The following DCTN2 variants were observed in gnomAD, a reference collection of about 807,000 sequenced individuals.
The protein encoded by DCTN2 is dynactin subunit 2.
DCTN2 carries 18 observed loss-of-function variants against 55.4 expected under a neutral mutation model. The observed-to-expected ratio is 0.32, with a 90% CI of 0.22 to 0.48. The LOEUF (loss-of-function observed/expected upper bound fraction) is 0.48. Among genes scored for constraint, DCTN2 ranks in the 20% least tolerant of loss-of-function variants. The pLI, the probability that DCTN2 is intolerant of heterozygous loss-of-function variation, is 0.99. For synonymous variants in DCTN2, 168 were observed against 185.2 expected, an observed-to-expected ratio of 0.91 and a Z score of 0.76; for missense variants, 390 against 491.0, an observed-to-expected ratio of 0.79 and a Z score of 1.94.
intron 2 of DCTN2, chr12:57,538,611 C>T (rs1382209248): frequency 1.1e-5 from 8 of 704,202 alleles, no homozygotes; most frequent in Admixed American, 6.0e-5. Flanking sequence ...AAAAAAAAGA[C>T]AAAATTGTTA....
rs1198578204 is a variant in DCTN2, at chr12:57,532,597, A to C, written c.899T>G (p.Val300Gly). 7 of 1,613,868 alleles carry C rather than the reference A, an allele frequency of 4.3e-6. No homozygotes were observed. The South Asian group carries it at 6.6e-5, about 15-fold the overall frequency. Reference sequence around the variant, plus strand: ...CTTGCTTTGTGTATCTGCATCTTCTACAGAGGCTTTATGCTTGGCAATCTC... The same window carrying C: ...CTTGCTTTGTGTATCTGCATCTTCTCCAGAGGCTTTATGCTTGGCAATCTC... Reference protein sequence around the residue: ...VNEIAKHKASVEDADTQSKVH... With the variant: ...VNEIAKHKASGEDADTQSKVH... The change falls in exon 11 of 14, where the codon GTA becomes GGA. Residue 300 changes from valine (V) to glycine (G), a missense_variant. This residue lies in a region of DCTN2 where 273 missense variants were observed against 303.2 expected (regional missense o/e 0.90). Transcript: ENST00000548249.
At chr12:57,531,288 G>A (rs868722879) in intron 13 of DCTN2, among the ~76,000 whole-genome samples, 4 of 151,986 alleles carry the variant, frequency 2.6e-5, no homozygotes, top group Non-Finnish European at 1.5e-5. Flanking sequence ...TTGGGAGGCC[G>A]AGATGGGTGG....
intron 11 of DCTN2, 77 bp from the exon 12 acceptor site, chr12:57,532,392 A>C: frequency 1.4e-6 from 2 of 1,392,716 alleles, no homozygotes; most frequent in Non-Finnish European, 2.0e-6. Flanking sequence ...ATTTCACCGT[A>C]ATGGGGGAAA....
chr12:57,535,160 G>C lies in DCTN2; in HGVS notation c.265-6C>G. ...ACTCCCAGACCCTCTCCAAGCTAGA[G>C]AGCAGGCACAGAGGGTAATGTTATA... On this transcript the variant is annotated splice_polypyrimidine_tract_variant and splice_region_variant and intron_variant, in intron 4 of 13. Transcript: ENST00000548249. 6.2e-7 allele frequency: 1 copy of C among 1,610,434 alleles called. No individual in the cohort carries two copies. The highest frequency in any genetic ancestry group is 1.1e-5 in the South Asian group (1 of 90,880).
intron 1 of DCTN2, 34 bp from the exon 2 acceptor site, chr12:57,546,130 T>C (rs775908924): frequency 1.2e-6 from 2 of 1,602,360 alleles, no homozygotes; most frequent in Non-Finnish European, 1.7e-6. Flanking sequence ...CCAACCTCAC[T>C]ACCCAGCATC....
chr12:57,541,350 T>C (rs770105707), intron 2 of DCTN2: 13 of 1,598,038 alleles, frequency 8.1e-6, no homozygotes, highest in South Asian at 4.4e-5. Flanking sequence ...AGAAGAAGCA[T>C]TGAATGGTCT....
chr12:57,542,056 C>T (rs1283689129), intron 2 of DCTN2, among the ~76,000 whole-genome samples: 2 of 152,190 alleles, frequency 1.3e-5, no homozygotes, highest in African/African-American at 4.8e-5. Flanking sequence ...GAGTGGATCA[C>T]CTGAGGTCAG....
At position 57,530,595 on chromosome 12, in the gene DCTN2, T is replaced by C; in HGVS notation, c.*94A>G. 9.0e-7 allele frequency: 1 copy of C among 1,110,180 alleles called. No individual in the cohort carries two copies. Among genetic ancestry groups the C allele is most frequent in the South Asian group, 1.4e-5 (1 of 70,332 alleles). The allele number at this position is 1,110,180 out of a possible 1,614,324, so 68.8% of individuals were successfully genotyped here. A position where few individuals can be genotyped will look rare whatever the true frequency, so the allele number is the denominator to read the frequency against. Reference sequence around the variant, plus strand: ...CCCCCAGTGTCAAATGGGATGGGGATGCTAGAGTTATAGTAAAGGGGAAAC... The same window carrying C: ...CCCCCAGTGTCAAATGGGATGGGGACGCTAGAGTTATAGTAAAGGGGAAAC... On this transcript the variant is annotated 3_prime_UTR_variant, in exon 14 of 14. Transcript: ENST00000548249.
At chr12:57,546,492 T>G (rs1308415855) in intron 1 of DCTN2, among the ~76,000 whole-genome samples, 1 of 151,914 alleles carries the variant, frequency 6.6e-6, no homozygotes, top group Non-Finnish European at 1.5e-5. Flanking sequence ...GTCCCAACCC[T>G]CACCTTGAGA....
rs553837341 is a variant in DCTN2 at position 57,538,201 on chromosome 12, G to A, written c.106-2356C>T. 7 of 454,358 alleles carry A rather than the reference G, an allele frequency of 1.5e-5. No homozygotes were observed. In the Admixed American group the frequency reaches 2.1e-4, roughly 14 times the overall value. 28.1% of individuals were successfully genotyped at this position (454,358 alleles called of 1,614,324 possible). A position where few individuals can be genotyped will look rare whatever the true frequency, so the allele number is the denominator to read the frequency against. On this transcript the variant is annotated intron_variant, in intron 2 of 13. Coordinates refer to ENST00000548249, the MANE Select transcript of DCTN2 (RefSeq NM_001261413.2). ...GAGGTTCTGGACAGTCACAGGGACA[G>A]AGAGCATTTTCATTCCTGCTGTGGG... is the stretch of plus-strand genomic sequence containing the variant.
chr12:57,530,752 G>A lies in DCTN2; in HGVS notation c.1143C>T (p.Asn381=), dbSNP rs1879607498. The A allele has an allele frequency of 6.2e-7, 1 of 1,613,878 alleles. No individual in the cohort carries two copies. The highest frequency in any genetic ancestry group is 8.5e-7 in the Non-Finnish European group (1 of 1,179,796). The part of the protein sequence containing the change: ...LTQVQTTMRE[N]LATVEGNFAS... ...CAAAGTTCCCCTCAACTGTGGCCAG[G>A]TTTTCACGCATGGTTGTCTGCACCT... is the stretch of plus-strand genomic sequence containing the variant. The change falls in exon 14 of 14, where the codon AAC becomes AAT. Residue 381 remains asparagine, a synonymous_variant. Coordinates refer to ENST00000548249, the MANE Select transcript of DCTN2 (RefSeq NM_001261413.2).
intron 4 of DCTN2, 157 bp downstream of exon 4, chr12:57,535,327 C>G (rs1880140179): frequency 2.8e-6 from 3 of 1,085,634 alleles, no homozygotes; most frequent in Non-Finnish European, 2.7e-6. Context: ...CCAGAACAAA[C>G]AGCAGTAGGG....
At chr12:57,533,893 GA>G in intron 7 of DCTN2, 59 bp downstream of exon 7, 6 of 1,510,528 alleles carry the variant, frequency 4.0e-6, no homozygotes, top group Non-Finnish European at 4.4e-6. Flanking sequence ...AGAGAGGCAG[GA>G]AAATCTCTAG....
In DCTN2 at chr12:57,530,621, C is replaced by A; in HGVS notation, c.*68G>T. 3 of 1,351,362 alleles carry A rather than the reference C, an allele frequency of 2.2e-6. No homozygotes were observed. The highest frequency in any genetic ancestry group is 1.8e-5 in the Admixed American group (1 of 54,640). 83.7% of individuals were successfully genotyped at this position (1,351,362 alleles called of 1,614,324 possible). A position where few individuals can be genotyped will look rare whatever the true frequency, so the allele number is the denominator to read the frequency against. On this transcript the variant is annotated 3_prime_UTR_variant, in exon 14 of 14. Coordinates refer to ENST00000548249, the MANE Select transcript of DCTN2 (RefSeq NM_001261413.2). ...GCTAGAGTTATAGTAAAGGGGAAAC[C>A]CTATGTAAGCTGTTAACAGAGTTCA...
At chr12:57,534,965 C>T in intron 5 of DCTN2, 91 bp downstream of exon 5, 1 of 1,167,158 alleles carries the variant, frequency 8.6e-7, no homozygotes, top group Non-Finnish European at 1.2e-6. Flanking sequence ...CCACCGCACC[C>T]AGCCAGGCAG....
chr12:57,531,720 A>G lies in DCTN2; in HGVS notation c.1119+295T>C, dbSNP rs115309402. Among the ~76,000 whole-genome samples, 805 of 152,306 alleles carry G rather than the reference A, an allele frequency of 5.3e-3. 9 individuals carry two copies. The highest frequency in any genetic ancestry group is 0.019 in the African/African-American group (769 of 41,566). On this transcript the variant is annotated intron_variant, in intron 13 of 13. Coordinates refer to ENST00000548249, the MANE Select transcript of DCTN2 (RefSeq NM_001261413.2). The stretch of plus-strand genomic sequence containing the variant: ...AGTAAAGTTGAGACGACAAAGGGAA[A>G]GAGTGGGGTTTTATAAGAAAACATG...
At chr12:57,540,332 G>T (rs899970960) in intron 2 of DCTN2, among the ~76,000 whole-genome samples, 3 of 152,192 alleles carry the variant, frequency 2.0e-5, no homozygotes, top group Admixed American at 2.0e-4. Context: ...TCAAATAAAA[G>T]GAAAAGTGGT....
intron 2 of DCTN2, among the ~76,000 whole-genome samples, chr12:57,536,405 G>C (rs1594886011): frequency 6.6e-6 from 1 of 152,346 alleles, no homozygotes; most frequent in Non-Finnish European, 1.5e-5. Flanking sequence ...CCAGAAGCCT[G>C]ATTTCCAGGC....
In DCTN2 at chr12:57,546,084, G is replaced by T; in HGVS notation, c.49C>A (p.Pro17Thr). The stretch of plus-strand genomic sequence containing the variant: ...AGGTCGCTAGTTTCATAAACATCTG[G>T]CTCATTCCTGGCCTGCAGGTAGAAG... ...ADLPGIARNE[P>T]DVYETSDLPE... is the part of the protein sequence containing the mutation. The change falls in exon 2 of 14, where the codon CCA (proline) becomes ACA (threonine). Residue 17 changes from proline (P) to threonine (T), a missense_variant. This residue lies in a region of DCTN2 where 117 missense variants were observed against 187.8 expected (regional missense o/e 0.62). Coordinates refer to ENST00000548249, the MANE Select transcript of DCTN2 (RefSeq NM_001261413.2). 1.2e-6 allele frequency: 2 copies of T among 1,613,832 alleles called. No individual in the cohort carries two copies. The highest frequency in any genetic ancestry group is 2.7e-5 in the African/African-American group (2 of 74,992).
Sources: allele counts gnomAD v4.1 joint callset (sites outside exome capture counted in the v4.1 genomes callset), GRCh38; gene constraint gnomAD v4.1.1; regional missense constraint gnomAD v4.1.1; transcripts MANE v1.5; gene names NCBI Gene and HGNC (gene_info 2026-07-23, HGNC 2026-07-21).